Variants in CFAP299 observed in about 807,000 individuals in gnomAD.
The protein encoded by CFAP299 is cilia- and flagella-associated protein 299.
In CFAP299, 21 loss-of-function variants were observed where a neutral mutation model predicts 27.0. That is an observed-to-expected ratio of 0.78 (90% CI 0.55 to 1.12). The LOEUF (loss-of-function observed/expected upper bound fraction) is 1.12. Ranked by LOEUF, CFAP299 falls within the 50% of genes most tolerant of loss-of-function variation. CFAP299 has a pLI of 0.00. For synonymous variants in CFAP299, 104 were observed against 98.1 expected (o/e 1.06, Z -0.36); for missense variants, 310 against 276.6 (o/e 1.12, Z -0.86).
At chr4:80,876,905 T>C (rs1403834237) in intron 4 of CFAP299, among the ~76,000 whole-genome samples, 1 of 152,212 alleles carries the variant, frequency 6.6e-6, no homozygotes, top group Non-Finnish European at 1.5e-5. Context: ...CAGTTAAGAC[T>C]AGGAAATTTT....
intron 3 of CFAP299, among the ~76,000 whole-genome samples, chr4:80,696,050 C>A (rs1721068486): frequency 6.6e-6 from 1 of 151,804 alleles, no homozygotes; most frequent in African/African-American, 2.4e-5. Flanking sequence ...ACCTGTAATC[C>A]CAGCACTTTG....
At chr4:80,957,889 T>G (rs1408315672) in intron 5 of CFAP299, among the ~76,000 whole-genome samples, 3 of 152,194 alleles carry the variant, frequency 2.0e-5, no homozygotes, top group Non-Finnish European at 4.4e-5. Flanking sequence ...TAGGTTTGCC[T>G]TACTGTTTAT....
At chr4:80,511,403 A>G (rs1732297384) in intron 2 of CFAP299, among the ~76,000 whole-genome samples, 2 of 152,170 alleles carry the variant, frequency 1.3e-5, no homozygotes, top group South Asian at 4.1e-4. Context: ...TGATTTATAA[A>G]TGAAATTTAC....
chr4:80,715,653 A>G (rs1173739602), intron 3 of CFAP299, among the ~76,000 whole-genome samples: 1 of 152,110 alleles, frequency 6.6e-6, no homozygotes, highest in Non-Finnish European at 1.5e-5. Flanking sequence ...AATTATTTTC[A>G]AAAAACAAAA....
At chr4:80,468,791 C>T (rs1729838348) in intron 2 of CFAP299, among the ~76,000 whole-genome samples, 1 of 138,116 alleles carries the variant, frequency 7.2e-6, no homozygotes, top group Non-Finnish European at 1.5e-5. Flanking sequence ...GCCAAGATCA[C>T]ACATTGCACT....
At chr4:80,545,888 A>G (rs1338116325) in intron 2 of CFAP299, among the ~76,000 whole-genome samples, 1 of 152,230 alleles carries the variant, frequency 6.6e-6, no homozygotes, top group African/African-American at 2.4e-5. Context: ...GCAGCACATC[A>G]TAAAGCTAAT....
intron 3 of CFAP299, among the ~76,000 whole-genome samples, chr4:80,625,505 T>C (rs1341185846): frequency 2.0e-5 from 3 of 152,008 alleles, no homozygotes; most frequent in African/African-American, 7.2e-5. Flanking sequence ...GTTAACAAGA[T>C]GGCAGTAGTA....
chr4:80,490,931 T>C (rs539832331), intron 2 of CFAP299, among the ~76,000 whole-genome samples: 1 of 152,034 alleles, frequency 6.6e-6, no homozygotes, highest in East Asian at 1.9e-4. Flanking sequence ...GGATTATGTG[T>C]GTGTGTGATT....
the CFAP299 span, among the ~76,000 whole-genome samples, chr4:80,322,369 A>C: frequency 6.6e-6 from 1 of 152,192 alleles, no homozygotes; most frequent in Non-Finnish European, 1.5e-5. Context: ...TAGGCAGCAG[A>C]ATCATCTGGT....
chr4:80,734,843 T>C (rs1723763421), intron 3 of CFAP299, among the ~76,000 whole-genome samples: 1 of 152,126 alleles, frequency 6.6e-6, no homozygotes, highest in African/African-American at 2.4e-5. Context: ...GCCAGTACCA[T>C]GCTGCTTTTG....
At chr4:80,478,752 T>C (rs547815234) in intron 2 of CFAP299, among the ~76,000 whole-genome samples, 1 of 151,978 alleles carries the variant, frequency 6.6e-6, no homozygotes, top group African/African-American at 2.4e-5. Flanking sequence ...TAAAATACTT[T>C]GCTGTGAAAG....
At chr4:80,948,527 ATT>A (rs1737591125) in intron 5 of CFAP299, among the ~76,000 whole-genome samples, 1 of 152,044 alleles carries the variant, frequency 6.6e-6, no homozygotes, top group Admixed American at 6.6e-5. Context: ...ATTTGGACAA[ATT>A]TTTTAAATAC....
At chr4:80,707,551 G>A (rs1721893960) in intron 3 of CFAP299, among the ~76,000 whole-genome samples, 1 of 152,026 alleles carries the variant, frequency 6.6e-6, no homozygotes, top group East Asian at 1.9e-4. Context: ...TGTTTAAAGT[G>A]CCACACATAG....
chr4:80,688,710 T>C (rs1239500337), intron 3 of CFAP299, among the ~76,000 whole-genome samples: 4 of 152,166 alleles, frequency 2.6e-5, no homozygotes, highest in Non-Finnish European at 4.4e-5. Context: ...TTTGAGAAGC[T>C]GAGAGAAGAA....
intron 3 of CFAP299, among the ~76,000 whole-genome samples, chr4:80,856,431 G>T (rs1479447252): frequency 4.6e-5 from 7 of 151,624 alleles, no homozygotes; most frequent in Non-Finnish European, 7.4e-5. Context: ...GTCAATTTTG[G>T]CTTTTGTTGC....
intron 3 of CFAP299, among the ~76,000 whole-genome samples, chr4:80,843,286 T>G (rs1730967589): frequency 6.6e-6 from 1 of 152,024 alleles, no homozygotes; most frequent in Admixed American, 6.6e-5. Context: ...TGTGTCCAAG[T>G]GTTCTCATTG....
At chr4:80,833,101 T>C (rs1400975813) in intron 3 of CFAP299, among the ~76,000 whole-genome samples, 1 of 152,156 alleles carries the variant, frequency 6.6e-6, no homozygotes, top group Non-Finnish European at 1.5e-5. Flanking sequence ...AACAATATTT[T>C]ACATTACTCA....
At chr4:80,515,923 A>T (rs1732561769) in intron 2 of CFAP299, among the ~76,000 whole-genome samples, 1 of 152,170 alleles carries the variant, frequency 6.6e-6, no homozygotes, top group East Asian at 1.9e-4. Flanking sequence ...TGTTAATAAT[A>T]CAAGAAAGAA....
intron 3 of CFAP299, among the ~76,000 whole-genome samples, chr4:80,706,443 G>T (rs1367425125): frequency 2.6e-5 from 4 of 151,602 alleles, no homozygotes; most frequent in Non-Finnish European, 4.4e-5. Context: ...GGTAAAATAT[G>T]AATTTAAATC....
Sources: gnomAD v4.1 joint callset for allele counts (sites outside exome capture counted in the v4.1 genomes callset) on GRCh38, gnomAD v4.1.1 for gene constraint, MANE v1.5 for transcripts, NCBI Gene and HGNC (gene_info 2026-07-23, HGNC 2026-07-21) for gene names.